EXOC6: variants seen among roughly 807,000 people sequenced by gnomAD.
EXOC6 encodes the protein SEC15-like 1.
A neutral mutation model predicts 112.5 loss-of-function variants in EXOC6; 60 were observed. The ratio of observed to expected loss-of-function variants is 0.53; its 90% CI spans 0.43 to 0.66. The LOEUF (loss-of-function observed/expected upper bound fraction) is 0.66. Among genes scored for constraint, EXOC6 ranks in the 30% least tolerant of loss-of-function variants. The pLI, the probability that EXOC6 is intolerant of heterozygous loss-of-function variation, is 0.00. For synonymous variants in EXOC6, 295 were observed against 308.0 expected (o/e 0.96, Z 0.44); for missense variants, 855 against 957.1 (o/e 0.89, Z 1.41).
At chr10:92,906,000 C>T (rs977241357) in intron 5 of EXOC6, among the ~76,000 whole-genome samples, 1 of 152,048 alleles carries the variant, frequency 6.6e-6, no homozygotes, top group African/African-American at 2.4e-5. Context: ...TTAGTTTTTG[C>T]TTCACATATT....
At chr10:93,032,458 A>G (rs1283541554) in intron 20 of EXOC6, among the ~76,000 whole-genome samples, 1 of 152,166 alleles carries the variant, frequency 6.6e-6, no homozygotes, top group African/African-American at 2.4e-5. Flanking sequence ...TTGTATGTGC[A>G]TTTTTCTGAG....
intron 18 of EXOC6, among the ~76,000 whole-genome samples, chr10:92,996,490 A>G (rs531385935): frequency 3.3e-5 from 5 of 152,058 alleles, no homozygotes; most frequent in East Asian, 3.9e-4. Flanking sequence ...GGTGGTGGGC[A>G]CCTGTAGTCC....
chr10:92,978,340 G>C (rs887500991), intron 18 of EXOC6, among the ~76,000 whole-genome samples: 1 of 152,030 alleles, frequency 6.6e-6, no homozygotes, highest in African/African-American at 2.4e-5. Context: ...AGCGTGGGAG[G>C]TGCAGGCTCC....
intron 14 of EXOC6, among the ~76,000 whole-genome samples, chr10:92,950,478 G>C (rs1853339108): frequency 6.6e-6 from 1 of 152,026 alleles, no homozygotes; most frequent in South Asian, 2.1e-4. Flanking sequence ...CTATATACCA[G>C]AAACAGTGCT....
chr10:92,958,710 T>C (rs527685574), intron 17 of EXOC6, among the ~76,000 whole-genome samples: 78 of 152,264 alleles, frequency 5.1e-4, no homozygotes, highest in African/African-American at 1.8e-3. Flanking sequence ...TAACTTTATA[T>C]GGAGACAGAA....
At position 92,848,555 on chromosome 10, in the gene EXOC6, C is replaced by G; in HGVS notation, c.22C>G (p.Leu8Val). 4 of 1,432,972 alleles carry G rather than the reference C, an allele frequency of 2.8e-6. No individual in the cohort carries two copies. The highest frequency in any genetic ancestry group is 1.9e-6 in the Non-Finnish European group (2 of 1,074,044). The allele number at this position is 1,432,972 out of a possible 1,614,324, so 88.8% of individuals were successfully genotyped here. A position where few individuals can be genotyped will look rare whatever the true frequency, so the allele number is the denominator to read the frequency against. MAENSES[L>V]GTVPEHERIL... is the part of the protein sequence containing the mutation. ...CAAAATGGCGGAGAACAGCGAGAGT[C>G]TGGGCACCGTCCCCGAGCACGAGCG... Residue 8 changes from leucine to valine, a missense_variant, in exon 1 of 22, where the codon CTG (leucine) becomes GTG (valine). Physicochemically the swap from Leu to Val is conservative, Grantham distance 32 (BLOSUM62 1). This residue lies in a region of EXOC6 where 405 missense variants were observed against 393.6 expected (regional missense o/e 1.03). Coordinates refer to ENST00000260762, the MANE Select transcript of EXOC6 (RefSeq NM_019053.6).
intron 21 of EXOC6, 81 bp downstream of exon 21, chr10:93,057,117 G>A (rs2134396462): frequency 2.7e-6 from 2 of 748,240 alleles, no homozygotes; most frequent in South Asian, 4.3e-5. Context: ...AGAGATTTCT[G>A]TCAAAAAAGA....
At chr10:92,951,792 T>G (rs1435797002) in intron 14 of EXOC6, among the ~76,000 whole-genome samples, 2 of 152,178 alleles carry the variant, frequency 1.3e-5, no homozygotes, top group African/African-American at 4.8e-5. Context: ...TATAAGGTAT[T>G]CTAGGAGTTA....
At chr10:93,053,187 A>G (rs768921502) in intron 20 of EXOC6, among the ~76,000 whole-genome samples, 4 of 152,092 alleles carry the variant, frequency 2.6e-5, no homozygotes, top group Admixed American at 6.6e-5. Flanking sequence ...TACCCATCAC[A>G]CTCTGACTCC....
intron 19 of EXOC6, among the ~76,000 whole-genome samples, chr10:93,002,179 C>G (rs1434749323): frequency 2.0e-5 from 3 of 151,990 alleles, no homozygotes; most frequent in African/African-American, 7.2e-5. Context: ...TTTTTCTTAT[C>G]CTATATATAT....
intron 20 of EXOC6, among the ~76,000 whole-genome samples, chr10:93,037,445 T>TG (rs34473296): frequency 5.3e-5 from 2 of 37,438 alleles, no homozygotes; most frequent in Non-Finnish European, 8.2e-5. Flanking sequence ...TTATTCTCCA[T>TG]TTTTTTTTTT....
intron 1 of EXOC6, among the ~76,000 whole-genome samples, chr10:92,876,312 C>T (rs1197823835): frequency 6.6e-6 from 1 of 152,036 alleles, no homozygotes; most frequent in Non-Finnish European, 1.5e-5. Context: ...TGAACATTGC[C>T]AATGTTTTAA....
At chr10:92,947,027 G>A (rs1853061306) in intron 13 of EXOC6, among the ~76,000 whole-genome samples, 1 of 152,130 alleles carries the variant, frequency 6.6e-6, no homozygotes. Flanking sequence ...ATGAGGTAGG[G>A]AATTGTCATC....
intron 20 of EXOC6, among the ~76,000 whole-genome samples, chr10:93,018,613 CTT>C (rs11290790): frequency 5.9e-4 from 87 of 147,570 alleles, no homozygotes; most frequent in African/African-American, 1.6e-3. Flanking sequence ...TAAAAAGGAA[CTT>C]TTTTTTTTTT....
At chr10:93,008,305 A>C (rs1006646102) in intron 19 of EXOC6, among the ~76,000 whole-genome samples, 2 of 152,240 alleles carry the variant, frequency 1.3e-5, no homozygotes, top group African/African-American at 2.4e-5. Flanking sequence ...GAAAAAAACA[A>C]AGATTTGGAA....
At chr10:92,962,558 T>TA (rs1419316928) in intron 17 of EXOC6, among the ~76,000 whole-genome samples, 1 of 151,752 alleles carries the variant, frequency 6.6e-6, no homozygotes, top group East Asian at 1.9e-4. Context: ...CTGGCTGATT[T>TA]AAAAAAAATT....
intron 1 of EXOC6, among the ~76,000 whole-genome samples, chr10:92,890,473 A>G (rs970803251): frequency 3.3e-5 from 5 of 152,170 alleles, no homozygotes; most frequent in Non-Finnish European, 7.4e-5. Context: ...TGGGGATGCA[A>G]TAGGGAACAA....
At chr10:93,024,967 G>C (rs1031276922) in intron 20 of EXOC6, among the ~76,000 whole-genome samples, 4 of 152,034 alleles carry the variant, frequency 2.6e-5, no homozygotes, top group Non-Finnish European at 5.9e-5. Context: ...AATAATTTGA[G>C]TTAAGACATA....
intron 17 of EXOC6, among the ~76,000 whole-genome samples, chr10:92,971,604 G>A (rs968084001): frequency 6.7e-6 from 1 of 149,784 alleles, no homozygotes; most frequent in Non-Finnish European, 1.5e-5. Flanking sequence ...TCGAACTCTT[G>A]ACCTCAGATA....
Sources: gnomAD v4.1 joint callset for allele counts (sites outside exome capture counted in the v4.1 genomes callset) on GRCh38, gnomAD v4.1.1 for gene constraint, gnomAD v4.1.1 regional missense constraint, MANE v1.5 for transcripts, NCBI Gene and HGNC (gene_info 2026-07-23, HGNC 2026-07-21) for gene names.